REEP3: variants seen among roughly 807,000 people sequenced by gnomAD.
REEP3 encodes the protein receptor expression-enhancing protein 3.
In REEP3, 20 loss-of-function variants were observed where a neutral mutation model predicts 41.3. That is an observed-to-expected ratio of 0.48 (90% CI 0.34 to 0.70). REEP3 has a LOEUF of 0.70. REEP3 is among the 30% of genes least tolerant of loss of function. REEP3 has a pLI of 0.01. For missense variants in REEP3, 271 were observed against 308.8 expected (o/e 0.88, Z 0.92); for synonymous variants, 104 against 101.8 (o/e 1.02, Z -0.13).
chr10:63,584,430 T>TAAA (rs71463528), intron 2 of REEP3, among the ~76,000 whole-genome samples: 56,134 of 128,724 alleles, frequency 0.44, 12,345 homozygotes, highest in South Asian at 0.51. Flanking sequence ...CCCATCTTTT[T>TAAA]AAAAAAAAAA....
At chr10:63,602,066 A>C (rs1315912459) in intron 5 of REEP3, among the ~76,000 whole-genome samples, 2 of 152,186 alleles carry the variant, frequency 1.3e-5, no homozygotes, top group South Asian at 4.1e-4. Flanking sequence ...CCATGAAAAA[A>C]TACATTGGCG....
chr10:63,566,303 T>A, intron 1 of REEP3, 35 bp from the exon 2 acceptor site: 1 of 1,188,524 alleles, frequency 8.4e-7, no homozygotes, highest in East Asian at 2.6e-5. Flanking sequence ...AACATTGTTG[T>A]GTTTGAACAG....
chr10:63,526,510 A>G (rs980642633), intron 1 of REEP3, among the ~76,000 whole-genome samples: 26 of 152,140 alleles, frequency 1.7e-4, no homozygotes, highest in African/African-American at 5.8e-4. Context: ...CCAAAAGAAT[A>G]TTAATATTTT....
At chr10:63,578,537 G>A (rs1478490804) in intron 2 of REEP3, among the ~76,000 whole-genome samples, 3 of 152,120 alleles carry the variant, frequency 2.0e-5, no homozygotes, top group African/African-American at 4.8e-5. Context: ...TTGGGAGGCC[G>A]AGGTGGATGG....
intron 2 of REEP3, among the ~76,000 whole-genome samples, chr10:63,580,218 C>T (rs1955939218): frequency 6.6e-6 from 1 of 152,092 alleles, no homozygotes; most frequent in South Asian, 2.1e-4. Flanking sequence ...TCACCACAGC[C>T]TCAACCTCCT....
chr10:63,571,512 G>A lies in REEP3; in HGVS notation c.105+5102G>A, dbSNP rs529985383. 2.0e-5 allele frequency among the ~76,000 whole-genome samples: 3 copies of A among 152,156 alleles called. No homozygotes were observed. The South Asian group carries it at 6.2e-4, about 32-fold the overall frequency. On this transcript the variant is annotated intron_variant, in intron 2 of 7. Coordinates refer to ENST00000373758, the MANE Select transcript of REEP3 (RefSeq NM_001001330.3). ...GACCTCTTCATGCTGCCATCTCTCT[G>A]GTTCTCTCTCTTCTGCCTCCTCTTC... is the stretch of plus-strand genomic sequence containing the variant.
intron 1 of REEP3, among the ~76,000 whole-genome samples, chr10:63,531,999 A>G (rs1269588840): frequency 6.6e-6 from 1 of 152,236 alleles, no homozygotes; most frequent in East Asian, 1.9e-4. Context: ...GATATAGTAC[A>G]CTTTGCAAAT....
Position 63,624,667 on chromosome 10 carries a change from A to C in REEP3, c.*3798A>C, listed in dbSNP as rs1262709169. On this transcript the variant is annotated 3_prime_UTR_variant, in exon 8 of 8. Transcript: ENST00000373758. ...TTATGTGTTGATTAAATATATGCACACACTTAGGATTACAGATCACAGAGC... is the reference window on the plus strand; with the variant it reads ...TTATGTGTTGATTAAATATATGCACCCACTTAGGATTACAGATCACAGAGC... The C allele has an allele frequency of 6.6e-6, 1 of 152,168 alleles. No homozygotes were observed. The highest frequency in any genetic ancestry group is 1.5e-5 in the Non-Finnish European group (1 of 67,990). 9.4% of individuals were successfully genotyped at this position (152,168 alleles called of 1,614,324 possible).
intron 5 of REEP3, among the ~76,000 whole-genome samples, chr10:63,601,034 A>G (rs1956167557): frequency 1.3e-5 from 2 of 151,992 alleles, no homozygotes; most frequent in Admixed American, 1.3e-4. Flanking sequence ...GGCGCCTGTA[A>G]TCCCAGCTAC....
At chr10:63,534,680 A>G (rs1031795615) in intron 1 of REEP3, among the ~76,000 whole-genome samples, 1 of 152,236 alleles carries the variant, frequency 6.6e-6, no homozygotes. Flanking sequence ...TGCTGGTGAC[A>G]AAGTCTTACA....
At chr10:63,547,985 T>C (rs183444740) in intron 1 of REEP3, among the ~76,000 whole-genome samples, 1 of 152,362 alleles carries the variant, frequency 6.6e-6, no homozygotes, top group East Asian at 1.9e-4. Flanking sequence ...CTTCAAAATC[T>C]ATTTTGACGT....
intron 1 of REEP3, among the ~76,000 whole-genome samples, chr10:63,536,679 C>T (rs1301282303): frequency 2.0e-5 from 3 of 151,666 alleles, no homozygotes; most frequent in Non-Finnish European, 2.9e-5. Flanking sequence ...AAAAATTAAC[C>T]TAAAAAGAAA....
chr10:63,554,059 A>G (rs9919429), intron 1 of REEP3, among the ~76,000 whole-genome samples: 71,207 of 150,664 alleles, frequency 0.47, 17,153 homozygotes, highest in Middle Eastern at 0.55. Context: ...TGGAGATCGC[A>G]CCACTGCCCT....
intron 2 of REEP3, among the ~76,000 whole-genome samples, chr10:63,584,716 T>A (rs749246872): frequency 5.3e-5 from 8 of 152,322 alleles, no homozygotes; most frequent in Non-Finnish European, 8.8e-5. Flanking sequence ...CTCTATACTG[T>A]CTCTAAAAAA....
chr10:63,595,064 C>T (rs943753505), intron 3 of REEP3, among the ~76,000 whole-genome samples: 1 of 152,220 alleles, frequency 6.6e-6, no homozygotes, highest in African/African-American at 2.4e-5. Context: ...CCATACGCCG[C>T]TCCCTGCTCA....
intron 2 of REEP3, among the ~76,000 whole-genome samples, chr10:63,576,815 T>C (rs1955902638): frequency 6.6e-6 from 1 of 152,342 alleles, no homozygotes; most frequent in Admixed American, 6.5e-5. Context: ...ACATGGTCTT[T>C]CTGATGTGTG....
chr10:63,533,725 T>TTTTTTTTTTTTTTTTTTTTTTTTTA (rs1589857082), intron 1 of REEP3, among the ~76,000 whole-genome samples: 1 of 143,798 alleles, frequency 7.0e-6, no homozygotes, highest in East Asian at 2.1e-4. Flanking sequence ...TTTTTTTTTT[T>TTTTTTTTTTTTTTTTTTTTTTTTTA]GAGACGGAGT....
chr10:63,564,940 A>G (rs1246903520), intron 1 of REEP3, among the ~76,000 whole-genome samples: 1 of 152,210 alleles, frequency 6.6e-6, no homozygotes, highest in Non-Finnish European at 1.5e-5. Context: ...AAGGAACGTC[A>G]ATGTGTGATG....
At chr10:63,590,989 A>G (rs919515546) in intron 2 of REEP3, among the ~76,000 whole-genome samples, 2 of 152,186 alleles carry the variant, frequency 1.3e-5, no homozygotes, top group African/African-American at 4.8e-5. Flanking sequence ...ATTTGGTTAC[A>G]TATGTTTATA....
Sources: allele counts gnomAD v4.1 joint callset (sites outside exome capture counted in the v4.1 genomes callset), GRCh38; gene constraint gnomAD v4.1.1; transcripts MANE v1.5; gene names NCBI Gene and HGNC (gene_info 2026-07-23, HGNC 2026-07-21).